Variants in DAB2IP observed in about 807,000 individuals in gnomAD.
The protein encoded by DAB2IP is DAB2 interacting protein.
A neutral mutation model predicts 107.2 loss-of-function variants in DAB2IP; 28 were observed. The ratio of observed to expected loss-of-function variants is 0.26; its 90% CI spans 0.19 to 0.36. The LOEUF (loss-of-function observed/expected upper bound fraction) is 0.36, where lower values mean the gene tolerates loss of function less well. Ranked by LOEUF, DAB2IP falls within the 10% of genes least tolerant of loss-of-function variation. The pLI is 1.00. For synonymous variants in DAB2IP, 755 were observed against 706.4 expected (o/e 1.07, Z -1.09); for missense variants, 1,400 against 1,644.7 (o/e 0.85, Z 2.57).
intron 1 of DAB2IP, among the ~76,000 whole-genome samples, chr9:121,666,856 TC>T (rs1833454897): frequency 1.4e-5 from 2 of 141,288 alleles, no homozygotes; most frequent in Middle Eastern, 3.6e-3. Flanking sequence ...TCATCCCCTA[TC>T]CCCAGCCCCA....
chr9:121,775,081 A>G (rs919363546), intron 13 of DAB2IP, among the ~76,000 whole-genome samples: 1 of 152,168 alleles, frequency 6.6e-6, no homozygotes, highest in Non-Finnish European at 1.5e-5. Context: ...TGGTCTCCCA[A>G]GCCTTCCAGC....
chr9:121,757,563 G>C (rs906029167), intron 4 of DAB2IP, among the ~76,000 whole-genome samples: 1 of 150,666 alleles, frequency 6.6e-6, no homozygotes, highest in Non-Finnish European at 1.5e-5. Context: ...GTTTCCCACT[G>C]TGAACAATGA....
intron 1 of DAB2IP, among the ~76,000 whole-genome samples, chr9:121,629,313 C>T (rs973145): frequency 0.033 from 4,984 of 152,196 alleles, 284 homozygotes; most frequent in African/African-American, 0.11. Context: ...AAAGCCTGGC[C>T]GGCTGATGGC....
chr9:121,712,549 C>T (rs762729030), intron 3 of DAB2IP, among the ~76,000 whole-genome samples: 1 of 152,108 alleles, frequency 6.6e-6, no homozygotes, highest in Non-Finnish European at 1.5e-5. Context: ...ATTTCTAAAT[C>T]CCTTTTGATG....
intron 2 of DAB2IP, among the ~76,000 whole-genome samples, chr9:121,688,379 G>A (rs1453268676): frequency 6.6e-6 from 1 of 152,164 alleles, no homozygotes; most frequent in African/African-American, 2.4e-5. Flanking sequence ...CTTAAAGAAC[G>A]TCTAAAACGA....
At chr9:121,569,945 A>C (rs1589365754) in intron 1 of DAB2IP, among the ~76,000 whole-genome samples, 2 of 150,110 alleles carry the variant, frequency 1.3e-5, no homozygotes, top group African/African-American at 5.0e-5. Context: ...ATACACCACC[A>C]CACCTCACTA....
At chr9:121,655,908 G>A (rs1363414396) in intron 1 of DAB2IP, among the ~76,000 whole-genome samples, 2 of 152,068 alleles carry the variant, frequency 1.3e-5, no homozygotes, top group Non-Finnish European at 2.9e-5. Context: ...TGCCCGCGTG[G>A]TGGGAGAGGA....
intron 3 of DAB2IP, among the ~76,000 whole-genome samples, chr9:121,742,345 C>T (rs1408173379): frequency 6.6e-6 from 1 of 152,244 alleles, no homozygotes; most frequent in Non-Finnish European, 1.5e-5. Context: ...AAGACAATCA[C>T]TTGAACCCGG....
intron 1 of DAB2IP, among the ~76,000 whole-genome samples, chr9:121,641,432 C>T (rs1832282325): frequency 2.0e-5 from 3 of 152,196 alleles, no homozygotes; most frequent in African/African-American, 4.8e-5. Context: ...CTATGGCTCC[C>T]ATTTATGTTC....
intron 1 of DAB2IP, among the ~76,000 whole-genome samples, chr9:121,596,344 A>T (rs1169319691): frequency 6.6e-6 from 1 of 151,850 alleles, no homozygotes; most frequent in Non-Finnish European, 1.5e-5. Flanking sequence ...AAAAATAAAA[A>T]ACAAACAAAC....
intron 1 of DAB2IP, among the ~76,000 whole-genome samples, chr9:121,678,156 C>G (rs1236147806): frequency 1.3e-5 from 2 of 152,196 alleles, no homozygotes; most frequent in Non-Finnish European, 2.9e-5. Context: ...ACTCCTTGTT[C>G]CCCTCTCTCA....
At chr9:121,632,486 G>T (rs1279773451) in intron 1 of DAB2IP, among the ~76,000 whole-genome samples, 1 of 152,112 alleles carries the variant, frequency 6.6e-6, no homozygotes, top group East Asian at 1.9e-4. Flanking sequence ...CAGGTCTCCA[G>T]GTGCTCTCTT....
intron 1 of DAB2IP, among the ~76,000 whole-genome samples, chr9:121,643,376 A>G (rs1832428381): frequency 6.6e-6 from 1 of 151,964 alleles, no homozygotes; most frequent in Admixed American, 6.5e-5. Flanking sequence ...CAGATCTCCC[A>G]CCAGAGTTCT....
chr9:121,673,460 C>T (rs1045456902), intron 1 of DAB2IP, among the ~76,000 whole-genome samples: 1 of 152,160 alleles, frequency 6.6e-6, no homozygotes. Flanking sequence ...CATGCATTCT[C>T]AGCAGGGGCG....
chr9:121,721,834 C>G (rs1449018118), intron 3 of DAB2IP, among the ~76,000 whole-genome samples: 1 of 152,098 alleles, frequency 6.6e-6, no homozygotes, highest in African/African-American at 2.4e-5. Context: ...GGAGGGGGCA[C>G]CTGGACAGAG....
At chr9:121,750,766 C>T (rs1329758110) in intron 3 of DAB2IP, among the ~76,000 whole-genome samples, 1 of 152,172 alleles carries the variant, frequency 6.6e-6, no homozygotes, top group Admixed American at 6.5e-5. Flanking sequence ...AATGAGTTTG[C>T]TGAGCTTTTG....
At chr9:121,708,824 T>C (rs1830184924) in intron 3 of DAB2IP, among the ~76,000 whole-genome samples, 1 of 152,222 alleles carries the variant, frequency 6.6e-6, no homozygotes, top group South Asian at 2.1e-4. Context: ...CGCCTGAGAA[T>C]GGAAGTCTTC....
At position 121,699,201 on chromosome 9, in the gene DAB2IP, C is replaced by CCGAG; in HGVS notation, c.229-122_229-119dup. 1 of 974,346 alleles carries CCGAG rather than the reference C, an allele frequency of 1.0e-6. No individual in the cohort carries two copies. The highest frequency in any genetic ancestry group is 1.2e-6 in the Non-Finnish European group (1 of 822,440). 60.4% of individuals were successfully genotyped at this position (974,346 alleles called of 1,614,324 possible). A position where few individuals can be genotyped will look rare whatever the true frequency, so the allele number is the denominator to read the frequency against. ...GGGCCGCGAGCTGCTGGGGCCGAGC[C>CCGAG]CGAGCCCGGCCCGCCCTCGGCCGCG... On this transcript the variant is annotated intron_variant, in intron 2 of 15. Coordinates refer to ENST00000408936, the Ensembl canonical transcript of DAB2IP. The surrounding 1 kb of genome is among the most constrained non-coding windows in gnomAD (Gnocchi z 6.2).
chr9:121,704,404 C>G (rs528616041), intron 3 of DAB2IP, among the ~76,000 whole-genome samples: 68 of 152,236 alleles, frequency 4.5e-4, no homozygotes, highest in Non-Finnish European at 7.1e-4. Flanking sequence ...TATTTGCATT[C>G]ATTTGCTTGT....
Sources: gnomAD v4.1 joint callset for allele counts (sites outside exome capture counted in the v4.1 genomes callset) on GRCh38, gnomAD v4.1.1 for gene constraint, Gnocchi (gnomAD v3.1) non-coding constraint, MANE v1.5 for transcripts, NCBI Gene and HGNC (gene_info 2026-07-23, HGNC 2026-07-21) for gene names.